TAFA1: variants seen among roughly 807,000 people sequenced by gnomAD.
TAFA1 encodes the protein chemokine-like protein TAFA-1.
TAFA1 carries 4 observed loss-of-function variants against 18.5 expected under a neutral mutation model. The observed-to-expected ratio is 0.22, with a 90% CI of 0.11 to 0.49. The LOEUF (loss-of-function observed/expected upper bound fraction) is 0.49, where lower values mean the gene tolerates loss of function less well. Among genes scored for constraint, TAFA1 ranks in the 20% least tolerant of loss-of-function variants. TAFA1 has a pLI of 0.98. For synonymous variants in TAFA1, 56 were observed against 55.2 expected (o/e 1.01, Z -0.06); for missense variants, 147 against 169.0 (o/e 0.87, Z 0.72).
At chr3:68,258,187 T>C (rs1260269550) in intron 2 of TAFA1, among the ~76,000 whole-genome samples, 1 of 152,198 alleles carries the variant, frequency 6.6e-6, no homozygotes, top group Non-Finnish European at 1.5e-5. Context: ...TGTGGTTATA[T>C]AAGGTGTTCA....
At chr3:68,506,365 A>G (rs888518688) in intron 3 of TAFA1, among the ~76,000 whole-genome samples, 1 of 152,006 alleles carries the variant, frequency 6.6e-6, no homozygotes, top group Non-Finnish European at 1.5e-5. Flanking sequence ...GCCACATTCT[A>G]TTTCTTAAAA....
At chr3:67,992,774 T>G in the TAFA1 span, among the ~76,000 whole-genome samples, 1 of 152,222 alleles carries the variant, frequency 6.6e-6, no homozygotes, top group African/African-American at 2.4e-5. Context: ...TCTTCAACCC[T>G]AGTTTTCCTC....
intron 3 of TAFA1, among the ~76,000 whole-genome samples, chr3:68,532,710 AT>A (rs2073208815): frequency 6.6e-6 from 1 of 152,106 alleles, no homozygotes; most frequent in African/African-American, 2.4e-5. Flanking sequence ...ATTTTATTAA[AT>A]CTAGTGGATC....
chr3:68,502,544 C>T (rs115288063), intron 3 of TAFA1, among the ~76,000 whole-genome samples: 1,725 of 152,158 alleles, frequency 0.011, 33 homozygotes, highest in African/African-American at 0.04. Flanking sequence ...TACTAATAAT[C>T]ACAGACAATA....
chr3:68,057,883 G>A (rs1276685536), intron 2 of TAFA1, among the ~76,000 whole-genome samples: 1 of 152,122 alleles, frequency 6.6e-6, no homozygotes, highest in African/African-American at 2.4e-5. Context: ...AGCTAGAGAA[G>A]GCAAACAATG....
At chr3:68,000,576 A>G (rs1335089698), upstream of TAFA1, among the ~76,000 whole-genome samples, 1 of 152,194 alleles carries the variant, frequency 6.6e-6, no homozygotes, top group Admixed American at 6.5e-5. Flanking sequence ...TGGACATAAG[A>G]TTTGGACTTT....
chr3:68,203,220 C>T (rs190347074), intron 2 of TAFA1, among the ~76,000 whole-genome samples: 55 of 151,734 alleles, frequency 3.6e-4, no homozygotes, highest in African/African-American at 1.1e-3. Context: ...ACTTCTTTCA[C>T]GACTTTATCT....
intron 2 of TAFA1, among the ~76,000 whole-genome samples, chr3:68,330,799 A>C (rs139541152): frequency 1.3e-5 from 2 of 152,340 alleles, no homozygotes; most frequent in African/African-American, 4.8e-5. Context: ...TACCTGAAAG[A>C]CTGCCTTAAT....
chr3:68,256,773 T>A (rs1048116679), intron 2 of TAFA1, among the ~76,000 whole-genome samples: 2 of 152,092 alleles, frequency 1.3e-5, no homozygotes, highest in Non-Finnish European at 2.9e-5. Context: ...TGGAGGAAAT[T>A]TGATACATGT....
chr3:68,315,862 CT>C (rs1203815849), intron 2 of TAFA1, among the ~76,000 whole-genome samples: 11 of 152,142 alleles, frequency 7.2e-5, no homozygotes, highest in Admixed American at 3.9e-4. Context: ...TGTTTGTGAA[CT>C]GATAATGTGG....
At chr3:68,030,304 A>C (rs752275747) in intron 2 of TAFA1, among the ~76,000 whole-genome samples, 5 of 152,020 alleles carry the variant, frequency 3.3e-5, no homozygotes, top group Non-Finnish European at 5.9e-5. Context: ...ATACCTGTGC[A>C]GAATGTGAAG....
rs144653196 is a variant in TAFA1 at position 68,083,827 on chromosome 3, T to G, written c.118+77083T>G. ...TTTCTCTCCCTCAGCTTCGGATTTT[T>G]CATGATCATGCTTCTTCATAAGTGC... On this transcript the variant is annotated intron_variant, in intron 2 of 4. Coordinates refer to ENST00000478136, the MANE Select transcript of TAFA1 (RefSeq NM_213609.4). Among the ~76,000 whole-genome samples, 443 of 152,324 alleles carry G rather than the reference T, an allele frequency of 2.9e-3. 1 individual carries two copies. The highest frequency in any genetic ancestry group is 0.01 in the African/African-American group (432 of 41,574).
chr3:68,417,591 C>T lies in TAFA1; in HGVS notation c.259+171C>T, dbSNP rs1296064036. On this transcript the variant is annotated intron_variant, in intron 3 of 4. Transcript: ENST00000478136. ...AGTTTGAATTCTTTTTTCTCTGGTG[C>T]TATTATTTGAATGTTTTTTCCCCAA... 6 of 640,106 alleles carry T rather than the reference C, an allele frequency of 9.4e-6. No individual in the cohort carries two copies. The East Asian group carries it at 1.7e-4, about 18-fold the overall frequency. The allele number at this position is 640,106 out of a possible 1,614,324, so 39.7% of individuals were successfully genotyped here. A position where few individuals can be genotyped will look rare whatever the true frequency, so the allele number is the denominator to read the frequency against.
chr3:68,345,949 C>T (rs547710807), intron 2 of TAFA1, among the ~76,000 whole-genome samples: 6 of 152,258 alleles, frequency 3.9e-5, no homozygotes, highest in Middle Eastern at 3.4e-3. Context: ...ACAGGCCTGA[C>T]TCTACCAGCA....
chr3:68,029,970 G>T (rs546583634), intron 2 of TAFA1, among the ~76,000 whole-genome samples: 1 of 152,244 alleles, frequency 6.6e-6, no homozygotes, highest in Non-Finnish European at 1.5e-5. Context: ...AGCCTGCTTA[G>T]TCTGTAGAGA....
intron 2 of TAFA1, among the ~76,000 whole-genome samples, chr3:68,387,203 G>A (rs2070124261): frequency 6.6e-6 from 1 of 152,038 alleles, no homozygotes; most frequent in South Asian, 2.1e-4. Flanking sequence ...AAAAGTTCTG[G>A]TGACTATAAA....
At chr3:67,991,907 T>A in the TAFA1 span, among the ~76,000 whole-genome samples, 1 of 152,234 alleles carries the variant, frequency 6.6e-6, no homozygotes, top group Non-Finnish European at 1.5e-5. Context: ...TCAATATATC[T>A]ATATCCTATT....
intron 3 of TAFA1, among the ~76,000 whole-genome samples, chr3:68,424,113 A>G (rs1316968623): frequency 2.0e-5 from 3 of 152,116 alleles, no homozygotes; most frequent in African/African-American, 7.2e-5. Flanking sequence ...ACAATGAAAA[A>G]GTCATCCTGC....
intron 2 of TAFA1, among the ~76,000 whole-genome samples, chr3:68,024,833 A>ACACACACACACACACACACAC (rs397978695): frequency 6.6e-6 from 1 of 151,142 alleles, no homozygotes; most frequent in African/African-American, 2.4e-5. Flanking sequence ...ACACACACAC[A>ACACACACACACACACACACAC]ATTATACATT....
Sources: gnomAD v4.1 joint callset for allele counts (sites outside exome capture counted in the v4.1 genomes callset) on GRCh38, gnomAD v4.1.1 for gene constraint, MANE v1.5 for transcripts, NCBI Gene and HGNC (gene_info 2026-07-23, HGNC 2026-07-21) for gene names.